The following FHIT variants were observed in gnomAD, a reference collection of about 807,000 sequenced individuals.
The protein encoded by FHIT is bis(5'-adenosyl)-triphosphatase.
In FHIT, 19 loss-of-function variants were observed where a neutral mutation model predicts 17.9. The ratio of observed to expected loss-of-function variants is 1.06; its 90% CI spans 0.74 to 1.56. The LOEUF is 1.56. FHIT is among the 40% of genes most tolerant of loss of function. FHIT has a pLI of 0.00. For missense variants in FHIT, 248 were observed against 189.2 expected (o/e 1.31, Z -1.82); for synonymous variants, 81 against 69.7 (o/e 1.16, Z -0.81).
chr3:60,002,348 A>T (rs972760596), intron 7 of FHIT, among the ~76,000 whole-genome samples: 12 of 151,970 alleles, frequency 7.9e-5, no homozygotes, highest in Non-Finnish European at 1.6e-4. Context: ...GAGGTTTTGG[A>T]TTAATCTGAT....
At chr3:59,819,724 A>G (rs1297474554) in intron 8 of FHIT, among the ~76,000 whole-genome samples, 2 of 152,154 alleles carry the variant, frequency 1.3e-5, no homozygotes, top group Admixed American at 1.3e-4. Flanking sequence ...CTCATAATTT[A>G]TTTACCTATT....
At chr3:60,292,378 T>A (rs982478790) in intron 5 of FHIT, among the ~76,000 whole-genome samples, 3 of 25,782 alleles carry the variant, frequency 1.2e-4, no homozygotes, top group South Asian at 1.1e-3. Context: ...CCTCAACACG[T>A]TGGGAGTTCC....
intron 4 of FHIT, among the ~76,000 whole-genome samples, chr3:60,625,076 T>C (rs2039248137): frequency 6.6e-6 from 1 of 152,038 alleles, no homozygotes; most frequent in Admixed American, 6.6e-5. Flanking sequence ...GCCTGGCAAA[T>C]TTTTGTATTT....
chr3:61,069,802 C>G (rs372601847), intron 2 of FHIT, among the ~76,000 whole-genome samples: 2 of 152,186 alleles, frequency 1.3e-5, no homozygotes, highest in South Asian at 4.1e-4. Context: ...ACAAAGTCCT[C>G]TTCAAAATGA....
chr3:60,474,412 A>C (rs1265796183), intron 5 of FHIT, among the ~76,000 whole-genome samples: 3 of 152,236 alleles, frequency 2.0e-5, no homozygotes, highest in African/African-American at 4.8e-5. Flanking sequence ...CTCATATATA[A>C]TAAAAACACC....
chr3:60,870,723 T>G (rs1404966048), intron 3 of FHIT, among the ~76,000 whole-genome samples: 1 of 152,144 alleles, frequency 6.6e-6, no homozygotes, highest in African/African-American at 2.4e-5. Flanking sequence ...TGGAATGCAA[T>G]AGTCCCACTA....
intron 4 of FHIT, among the ~76,000 whole-genome samples, chr3:60,798,062 A>C (rs992260603): frequency 2.0e-5 from 3 of 152,190 alleles, no homozygotes; most frequent in Non-Finnish European, 2.9e-5. Context: ...AAAGAACCAG[A>C]CAGTAAACAT....
At chr3:61,136,682 C>A (rs2036925379) in intron 2 of FHIT, among the ~76,000 whole-genome samples, 2 of 152,206 alleles carry the variant, frequency 1.3e-5, no homozygotes, top group South Asian at 4.1e-4. Flanking sequence ...ATACCAGATC[C>A]TGAGTTCCTC....
chr3:59,786,332 G>A (rs893050521), intron 8 of FHIT, among the ~76,000 whole-genome samples: 1 of 152,138 alleles, frequency 6.6e-6, no homozygotes, highest in Non-Finnish European at 1.5e-5. Context: ...CACAGAAGCT[G>A]GCAAGACATG....
At chr3:60,341,503 T>G (rs1304135942) in intron 5 of FHIT, among the ~76,000 whole-genome samples, 1 of 152,176 alleles carries the variant, frequency 6.6e-6, no homozygotes, top group African/African-American at 2.4e-5. Flanking sequence ...CATAATTACT[T>G]GTAGAAAATC....
At chr3:60,991,478 C>G (rs12638248) in intron 3 of FHIT, among the ~76,000 whole-genome samples, 73,162 of 152,006 alleles carry the variant, frequency 0.48, 17,828 homozygotes, top group Non-Finnish European at 0.52. Context: ...GCTGTCTGGG[C>G]GTCATGGGGG....
At chr3:60,820,700 A>G (rs1340495202) in intron 4 of FHIT, among the ~76,000 whole-genome samples, 1 of 152,232 alleles carries the variant, frequency 6.6e-6, no homozygotes, top group African/African-American at 2.4e-5. Flanking sequence ...AAGTGGATAC[A>G]GGAAACTGGG....
chr3:60,495,944 C>G (rs2107512209), intron 5 of FHIT, among the ~76,000 whole-genome samples: 1 of 152,142 alleles, frequency 6.6e-6, no homozygotes, highest in South Asian at 2.1e-4. Flanking sequence ...GAATGGAACA[C>G]TGTTTTTCCA....
At chr3:59,773,354 C>T (rs1486014459) in intron 8 of FHIT, among the ~76,000 whole-genome samples, 2 of 152,232 alleles carry the variant, frequency 1.3e-5, no homozygotes, top group African/African-American at 4.8e-5. Flanking sequence ...AAAGGGGGTA[C>T]CTAATCCAGC....
chr3:60,310,115 C>T (rs899009503), intron 5 of FHIT, among the ~76,000 whole-genome samples: 3 of 152,072 alleles, frequency 2.0e-5, no homozygotes, highest in African/African-American at 7.2e-5. Flanking sequence ...TTACTTCTCC[C>T]ACATTTCTCT....
At chr3:59,874,318 C>T (rs1703054786) in intron 8 of FHIT, among the ~76,000 whole-genome samples, 1 of 152,148 alleles carries the variant, frequency 6.6e-6, no homozygotes, top group African/African-American at 2.4e-5. Context: ...GCCAAGACAC[C>T]TGGTTAAAAA....
At chr3:60,685,267 T>G (rs1553698094) in intron 4 of FHIT, among the ~76,000 whole-genome samples, 1 of 152,208 alleles carries the variant, frequency 6.6e-6, no homozygotes, top group African/African-American at 2.4e-5. Flanking sequence ...GAATTAAATT[T>G]GTATGCTTTT....
At chr3:60,373,931 G>A (rs1158031384) in intron 5 of FHIT, among the ~76,000 whole-genome samples, 2 of 152,186 alleles carry the variant, frequency 1.3e-5, no homozygotes, top group Non-Finnish European at 2.9e-5. Flanking sequence ...AGGAAGTAGA[G>A]AAAAGTCAAT....
intron 5 of FHIT, among the ~76,000 whole-genome samples, chr3:60,283,508 C>T (rs1017194210): frequency 1.3e-4 from 20 of 152,030 alleles, no homozygotes; most frequent in Non-Finnish European, 2.2e-4. Flanking sequence ...TATCTAATTC[C>T]AGGACCCAAT....
Sources: gnomAD v4.1 joint callset for allele counts (sites outside exome capture counted in the v4.1 genomes callset) on GRCh38, gnomAD v4.1.1 for gene constraint, MANE v1.5 for transcripts, NCBI Gene and HGNC (gene_info 2026-07-23, HGNC 2026-07-21) for gene names.